Variants in JAK2 observed in about 807,000 individuals in gnomAD.
JAK2 encodes Janus kinase 2, also known as tyrosine-protein kinase JAK2.
A neutral mutation model predicts 139.3 loss-of-function variants in JAK2; 86 were observed. The observed-to-expected ratio is 0.62, with a 90% confidence interval of 0.52 to 0.74. JAK2 has a LOEUF of 0.74. Ranked by LOEUF, JAK2 falls within the 30% of genes least tolerant of loss-of-function variation. JAK2 has a pLI of 0.00. For synonymous variants in JAK2, 490 were observed against 437.7 expected, an observed-to-expected ratio of 1.12 and a Z score of -1.49; for missense variants, 1,421 against 1,360.3, an observed-to-expected ratio of 1.04 and a Z score of -0.70.
intron 18 of JAK2, 144 bp downstream of exon 18, chr9:5,080,827 A>G: frequency 2.0e-6 from 1 of 497,900 alleles, no homozygotes; most frequent in Non-Finnish European, 3.4e-6. Flanking sequence ...ATGGCTTTTC[A>G]TGCTTTATAC....
At chr9:5,048,498 T>C (rs1489622299) in intron 5 of JAK2, among the ~76,000 whole-genome samples, 1 of 152,144 alleles carries the variant, frequency 6.6e-6, no homozygotes, top group East Asian at 1.9e-4. Flanking sequence ...TACCAAGTCA[T>C]TGATCATCTT....
In JAK2 at chr9:5,070,057, G is replaced by A. The variant is rs1818852581; in HGVS notation, c.1641+5G>A. The A allele has an allele frequency of 6.3e-7, 1 of 1,592,548 alleles. No individual in the cohort carries two copies. The highest frequency in any genetic ancestry group is 8.6e-7 in the Non-Finnish European group (1 of 1,166,728). On this transcript the variant is annotated splice_donor_5th_base_variant and intron_variant, in intron 12 of 24. Coordinates refer to ENST00000381652, the MANE Select transcript of JAK2 (RefSeq NM_004972.4). ...AGAAATGAAGATTTGATATTTGTAAGTCATTAGATACTCATTACTGTCTTT... is the reference window on the plus strand; with the variant it reads ...AGAAATGAAGATTTGATATTTGTAAATCATTAGATACTCATTACTGTCTTT...
intron 4 of JAK2, among the ~76,000 whole-genome samples, chr9:5,033,004 A>C (rs1465238949): frequency 1.3e-5 from 2 of 152,206 alleles, no homozygotes; most frequent in African/African-American, 4.8e-5. Context: ...TTGAAAAAAA[A>C]TTAGACAAAT....
intron 23 of JAK2, among the ~76,000 whole-genome samples, chr9:5,125,381 A>G (rs907426806): frequency 1.3e-5 from 2 of 151,398 alleles, no homozygotes; most frequent in African/African-American, 4.8e-5. Context: ...ATGTTTTCTA[A>G]TTGCTGAGTA....
At chr9:5,114,068 G>A (rs1350298679) in intron 22 of JAK2, 6 of 337,450 alleles carry the variant, frequency 1.8e-5, no homozygotes, top group Non-Finnish European at 3.6e-5. Flanking sequence ...CACAAAGCAA[G>A]CTCACCCTCA....
intron 19 of JAK2, chr9:5,086,233 A>G: frequency 1.7e-6 from 1 of 604,714 alleles, no homozygotes; most frequent in Non-Finnish European, 2.1e-6. Flanking sequence ...TCGGAGTCTG[A>G]AAGTCGCGGT....
chr9:5,097,563 A>G (rs972747443), intron 22 of JAK2: 1 of 152,218 alleles, frequency 6.6e-6, no homozygotes, highest in African/African-American at 2.4e-5. Context: ...ACACAGACAC[A>G]TGAGCATACT....
chr9:5,005,072 A>G lies in JAK2; in HGVS notation c.-25-16891A>G, dbSNP rs184219598. Among the ~76,000 whole-genome samples the G allele has an allele frequency of 3.6e-4, 44 of 123,346 alleles. No individual in the cohort carries two copies. In the East Asian group the frequency reaches 0.01, roughly 29 times the overall value. 80.9% of individuals were successfully genotyped at this position (123,346 alleles called of 152,430 possible). A position where few individuals can be genotyped will look rare whatever the true frequency, so the allele number is the denominator to read the frequency against. ...GTTGGGACTGCAGGCATGTGCCAGC[A>G]TGCCTGGCTAATTTTTTTTTTTTTT... On this transcript the variant is annotated intron_variant, in intron 2 of 24. Transcript: ENST00000381652.
At chr9:5,081,597 A>AT (rs1466401853) in intron 18 of JAK2, 128 bp from the exon 19 acceptor site, 5 of 631,748 alleles carry the variant, frequency 7.9e-6, no homozygotes, top group Non-Finnish European at 8.2e-6. Flanking sequence ...AATTGAAACT[A>AT]TTTGAGTTTC....
intron 8 of JAK2, among the ~76,000 whole-genome samples, chr9:5,063,989 C>G (rs1263790058): frequency 6.6e-6 from 1 of 151,608 alleles, no homozygotes; most frequent in Non-Finnish European, 1.5e-5. Context: ...AACTCTGTCT[C>G]TACTAAAAAT....
At chr9:5,099,970 C>G (rs1042104331) in intron 22 of JAK2, 8 of 152,168 alleles carry the variant, frequency 5.3e-5, no homozygotes, top group African/African-American at 1.9e-4. Flanking sequence ...GCCACTTATC[C>G]CTATACTAGT....
At chr9:5,122,910 G>GTT (rs796174169) in intron 22 of JAK2, 94 bp from the exon 23 acceptor site, 134 of 640,202 alleles carry the variant, frequency 2.1e-4, no homozygotes, top group African/African-American at 1.2e-3. Context: ...TTCTCTACAT[G>GTT]TTTTTTTTTT....
intron 8 of JAK2, among the ~76,000 whole-genome samples, chr9:5,059,347 T>A (rs1442270782): frequency 6.6e-6 from 1 of 152,180 alleles, no homozygotes; most frequent in Non-Finnish European, 1.5e-5. Flanking sequence ...TAGATTCTTT[T>A]AGTTAGTATA....
chr9:5,067,581 A>G (rs531610961), intron 10 of JAK2, among the ~76,000 whole-genome samples: 1 of 152,164 alleles, frequency 6.6e-6, no homozygotes, highest in South Asian at 2.1e-4. Context: ...AAAACTGGTA[A>G]TCTATCCTAA....
intron 4 of JAK2, among the ~76,000 whole-genome samples, chr9:5,034,598 T>C (rs1823431399): frequency 6.6e-6 from 1 of 151,424 alleles, no homozygotes; most frequent in Non-Finnish European, 1.5e-5. Flanking sequence ...TCAAAACCAC[T>C]CAACTACATG....
rs2149558 is a variant in JAK2 at position 5,066,917 on chromosome 9, G to A, written c.1326+128G>A. The A allele has an allele frequency of 7.4e-4, 289 of 393,012 alleles. 1 individual carries two copies. The highest frequency in any genetic ancestry group is 5.1e-3 in the African/African-American group (248 of 48,272). 24.3% of individuals were successfully genotyped at this position (393,012 alleles called of 1,614,324 possible). Reference sequence around the variant, plus strand: ...CTTTGGATATGATAACTAGTATAATGCTTAATTTCCTCAGAGATTCTGTAC... The same window carrying A: ...CTTTGGATATGATAACTAGTATAATACTTAATTTCCTCAGAGATTCTGTAC... On this transcript the variant is annotated intron_variant, in intron 10 of 24. Transcript: ENST00000381652.
intron 10 of JAK2, among the ~76,000 whole-genome samples, chr9:5,068,668 T>C (rs73639259): frequency 1.7e-3 from 253 of 152,278 alleles, no homozygotes; most frequent in African/African-American, 5.9e-3. Context: ...GGAGCTGAGA[T>C]TGGAGATGGA....
Position 5,126,730 on chromosome 9 carries a change from G to T in JAK2, c.3338G>T (p.Arg1113Leu). The change falls in exon 25 of 25, where the codon CGC (arginine) becomes CTC (leucine). Residue 1113 changes from arginine to leucine, a missense_variant. Physicochemically the swap from Arg to Leu is moderately radical, Grantham distance 102 (BLOSUM62 -2). Transcript: ENST00000381652. ...TGCTGGAACAATAATGTAAATCAAC[G>T]CCCCTCCTTTAGGGATCTAGCTCTT... is the stretch of plus-strand genomic sequence containing the variant. The part of the protein sequence containing the change: ...TECWNNNVNQ[R>L]PSFRDLALRV... 1 of 1,610,914 alleles carries T rather than the reference G, an allele frequency of 6.2e-7. No homozygotes were observed. Among genetic ancestry groups the T allele is most frequent in the Non-Finnish European group, 8.5e-7 (1 of 1,177,698 alleles).
intron 2 of JAK2, among the ~76,000 whole-genome samples, chr9:5,003,779 T>A (rs1821085911): frequency 6.6e-6 from 1 of 152,100 alleles, no homozygotes; most frequent in Admixed American, 6.5e-5. Context: ...ATTGTTACGT[T>A]TTTGAACTCT....
Sources: allele counts gnomAD v4.1 joint callset (sites outside exome capture counted in the v4.1 genomes callset), GRCh38; gene constraint gnomAD v4.1.1; transcripts MANE v1.5; gene names NCBI Gene and HGNC (gene_info 2026-07-23, HGNC 2026-07-21).